ALOX15: variants seen among roughly 807,000 people sequenced by gnomAD.
ALOX15 encodes arachidonate 15-lipoxygenase.
In ALOX15, 68 loss-of-function variants were observed where a neutral mutation model predicts 71.7. The observed-to-expected ratio is 0.95, with a 90% CI of 0.78 to 1.16. The LOEUF (loss-of-function observed/expected upper bound fraction) is 1.16, where lower values mean the gene tolerates loss of function less well. Among genes scored for constraint, ALOX15 ranks in the 50% most tolerant of loss-of-function variants. The probability of loss-of-function intolerance (pLI) is 0.00; values close to 1 mark genes in which losing one functional copy is unlikely to be tolerated. For missense variants in ALOX15, 798 were observed against 818.8 expected (o/e 0.97, Z 0.31); for synonymous variants, 346 against 333.3 (o/e 1.04, Z -0.42).
In ALOX15 at chr17:4,635,877, C is replaced by T. The variant is rs756674821; in HGVS notation, c.1043G>A (p.Arg348His). 1.3e-5 allele frequency: 21 copies of T among 1,614,244 alleles called. No homozygotes were observed. Among genetic ancestry groups the T allele is most frequent in the Middle Eastern group, 1.7e-4 (1 of 6,058 alleles). ...CTCATGGAGCTGGAAGTCAGAGCTGCGCACCCAGCATTTGGCCAGAAGCCA... is the reference window on the plus strand; with the variant it reads ...CTCATGGAGCTGGAAGTCAGAGCTGTGCACCCAGCATTTGGCCAGAAGCCA... The part of the protein sequence containing the change: ...MAWLLAKCWV[R>H]SSDFQLHELQ... The change falls in exon 8 of 14, where the codon CGC (arginine) becomes CAC (histidine). Residue 348 changes from arginine (R) to histidine (H), a missense_variant. By Grantham distance (29) the Arg-to-His change is conservative. Around this residue, in one of 3 missense-constraint regions of ALOX15, gnomAD observed 490 missense variants for 509.4 expected, o/e 0.96. Coordinates refer to ENST00000293761, the MANE Select transcript of ALOX15 (RefSeq NM_001140.5).
At chr17:4,632,711 T>C in intron 11 of ALOX15, 150 bp downstream of exon 11, 4 of 1,284,052 alleles carry the variant, frequency 3.1e-6, no homozygotes, top group Non-Finnish European at 4.3e-6. Context: ...GGGACCTGTC[T>C]CTAGGTGACA....
intron 7 of ALOX15, 72 bp downstream of exon 7, chr17:4,637,043 A>C (rs112886313): frequency 6.5e-6 from 10 of 1,535,010 alleles, no homozygotes; most frequent in African/African-American, 4.1e-5. Flanking sequence ...GATGGTGCTC[A>C]GTAAATTTTG....
chr17:4,631,902 C>T lies in ALOX15; in HGVS notation c.1796G>A (p.Arg599His), dbSNP rs868318076. The change falls in exon 13 of 14, where the codon CGC becomes CAC. Residue 599 changes from arginine (R) to histidine (H), a missense_variant. Coordinates refer to ENST00000293761, the MANE Select transcript of ALOX15 (RefSeq NM_001140.5). The part of the protein sequence containing the change: ...QMSITWQLGR[R>H]QPVMVAVGQH... ...CTCAGCTCTCACCATAACGGGCTGG[C>T]GTCTGCCCAGCTGCCAAGTGATGGA... 7.4e-6 allele frequency: 12 copies of T among 1,611,642 alleles called. No homozygotes were observed. In the Middle Eastern group the frequency reaches 6.6e-4, roughly 89 times the overall value.
rs1418700683 is a variant in ALOX15, at chr17:4,637,059, G to A, written c.951+56C>T. ...ATGGTGCTCAGTAAATTTTGATAAG[G>A]GGCTGAGCTTTCTCAAAAGCCAGAG... On this transcript the variant is annotated intron_variant, in intron 7 of 13. Transcript: ENST00000293761. 1.9e-6 allele frequency: 3 copies of A among 1,567,498 alleles called. No individual in the cohort carries two copies. The East Asian group carries it at 6.8e-5, about 35-fold the overall frequency.
At chr17:4,640,973 G>C (rs1233572434) in intron 1 of ALOX15, among the ~76,000 whole-genome samples, 1 of 151,526 alleles carries the variant, frequency 6.6e-6, no homozygotes, top group Non-Finnish European at 1.5e-5. Flanking sequence ...CTAGAGCAGT[G>C]ATGGGAATTT....
At chr17:4,638,452 T>C in intron 5 of ALOX15, 75 bp from the exon 6 acceptor site, 2 of 834,118 alleles carry the variant, frequency 2.4e-6, no homozygotes, top group Non-Finnish European at 3.9e-6. Context: ...CCATGCCTCC[T>C]TGACTCCAGC....
rs765155392 is a variant in ALOX15, at chr17:4,632,903, G to C, written c.1498C>G (p.Arg500Gly). ...TGCAGCCCGATTTCAGTGATCTCTC[G>C]ACACCAGGTCTGCAGCTCTGGGTCG... is the stretch of plus-strand genomic sequence containing the variant. ...KDDPELQTWC[R>G]EITEIGLQGA... Residue 500 changes from arginine (R) to glycine (G), a missense_variant, in exon 11 of 14, where the codon CGA becomes GGA. By Grantham distance (125) the Arg-to-Gly change is moderately radical. Transcript: ENST00000293761. The C allele has an allele frequency of 6.2e-7, 1 of 1,614,064 alleles. No individual in the cohort carries two copies. Among genetic ancestry groups the C allele is most frequent in the Non-Finnish European group, 8.5e-7 (1 of 1,180,002 alleles).
At position 4,632,267 on chromosome 17, in the gene ALOX15, AAGAGAC is replaced by A. The variant is rs1371124002; in HGVS notation, c.1549_1554del (p.Val517_Ser518del). On this transcript the variant is annotated inframe_deletion, in exon 12 of 14. Transcript: ENST00000293761. ...TGGCAAACCTGGTCCCGAGCCTGTA[AAGAGAC>A]AGGAAACCCTGCAAGGGGTGAAGAG... The A allele has an allele frequency of 1.2e-6, 2 of 1,614,064 alleles. No individual in the cohort carries two copies. The highest frequency in any genetic ancestry group is 2.7e-5 in the African/African-American group (2 of 74,940).
chr17:4,636,858 C>A (rs1268690518), intron 7 of ALOX15, among the ~76,000 whole-genome samples: 1 of 152,086 alleles, frequency 6.6e-6, no homozygotes, highest in African/African-American at 2.4e-5. Flanking sequence ...CTCGTGACAC[C>A]CCACCTCCCC....
chr17:4,641,327 G>C (rs1418170586), intron 1 of ALOX15, among the ~76,000 whole-genome samples, 190 bp downstream of exon 1: 1 of 152,224 alleles, frequency 6.6e-6, no homozygotes, highest in Non-Finnish European at 1.5e-5. Context: ...CATTTATTGA[G>C]CGCTTACTGT....
In ALOX15 at chr17:4,632,164, C is replaced by T. The variant is rs41414251; in HGVS notation, c.1641+17G>A. The stretch of plus-strand genomic sequence containing the variant: ...CTCCAGGCCCCAAATTCCCAGCTGC[C>T]CATCTCTGGTAAGTACCTGGCCCAG... On this transcript the variant is annotated intron_variant, in intron 12 of 13. Transcript: ENST00000293761. 3.4e-4 allele frequency: 546 copies of T among 1,614,066 alleles called. 3 individuals carry two copies. In the African/African-American group the frequency reaches 6.4e-3, roughly 19 times the overall value.
At position 4,633,191 on chromosome 17, in the gene ALOX15, G is replaced by A. The variant is rs1327529116; in HGVS notation, c.1373C>T (p.Ser458Phe). ...CCGCAGCGCATCTTGGGCATAGAAG[G>A]AAGACTTCACTCCCAGGAGCCCCCG... ...ADRGLLGVKS[S>F]FYAQDALRLW... Residue 458 changes from serine to phenylalanine, a missense_variant, in exon 10 of 14, where the codon TCC becomes TTC. Coordinates refer to ENST00000293761, the MANE Select transcript of ALOX15 (RefSeq NM_001140.5). 3.1e-6 allele frequency: 5 copies of A among 1,614,038 alleles called. No individual in the cohort carries two copies. Among genetic ancestry groups the A allele is most frequent in the Non-Finnish European group, 4.2e-6 (5 of 1,180,032 alleles).
rs868275978 is a variant in ALOX15, at chr17:4,638,906, C to T, written c.486G>A (p.Val162=). The T allele has an allele frequency of 6.2e-7, 1 of 1,614,234 alleles. No homozygotes were observed. The highest frequency in any genetic ancestry group is 1.7e-5 in the Admixed American group (1 of 60,032). Residue 162 remains valine (V), a synonymous_variant, in exon 4 of 14, where the codon GTG becomes GTA. Coordinates refer to ENST00000293761, the MANE Select transcript of ALOX15 (RefSeq NM_001140.5). The stretch of plus-strand genomic sequence containing the variant: ...TCTTGTCTTCCAGAAATCGCTCATC[C>T]ACAGGGAGGTCATATAGTTTGGCCC... The part of the protein sequence containing the change: ...MAGAKLYDLP[V]DERFLEDKRV...
chr17:4,640,763 C>T (rs1911294130), intron 1 of ALOX15, among the ~76,000 whole-genome samples: 1 of 151,318 alleles, frequency 6.6e-6, no homozygotes, highest in South Asian at 2.1e-4. Context: ...TGGGCAGGGA[C>T]GCGGGAGATG....
At position 4,637,213 on chromosome 17, in the gene ALOX15, T is replaced by G; in HGVS notation, c.853A>C (p.Lys285Gln). ...EADFSLLDGIKANVILCSQQH... is the reference protein window; with the variant it reads ...EADFSLLDGIQANVILCSQQH... ...TGGCTACAGAGAATGACGTTGGCCT[T>G]GATCCCATCCAGCAGGGAGAAGTCA... Residue 285 changes from lysine (K) to glutamine (Q), a missense_variant, in exon 7 of 14, where the codon AAG becomes CAG. Around this residue, in one of 3 missense-constraint regions of ALOX15, gnomAD observed 490 missense variants for 509.4 expected, o/e 0.96. Transcript: ENST00000293761. The G allele has an allele frequency of 6.2e-7, 1 of 1,613,898 alleles. No individual in the cohort carries two copies. Among genetic ancestry groups the G allele is most frequent in the African/African-American group, 1.3e-5 (1 of 75,044 alleles).
chr17:4,637,835 C>T (rs1911151173), intron 6 of ALOX15, among the ~76,000 whole-genome samples: 1 of 152,030 alleles, frequency 6.6e-6, no homozygotes, highest in Non-Finnish European at 1.5e-5. Flanking sequence ...GATTCACATC[C>T]AAGCCTATCT....
chr17:4,641,561 C>T lies in ALOX15; in HGVS notation c.91G>A (p.Gly31Arg). Residue 31 changes from glycine (G) to arginine (R), a missense_variant, in exon 1 of 14, where the codon GGG becomes AGG. Physicochemically the swap from Gly to Arg is moderately radical, Grantham distance 125. This residue lies in a region of ALOX15 where 300 missense variants were observed against 283.1 expected (regional missense o/e 1.06). Coordinates refer to ENST00000293761, the MANE Select transcript of ALOX15 (RefSeq NM_001140.5). The part of the protein sequence containing the change: ...QVQLWLVGQH[G>R]EAALGKRLWP... ...AGTCGCTTCCCGAGCGCCGCCTCCC[C>T]GTGCTGGCCGACCAGCCACAGCTGC... The T allele has an allele frequency of 6.2e-7, 1 of 1,613,478 alleles. No homozygotes were observed. The highest frequency in any genetic ancestry group is 1.1e-5 in the South Asian group (1 of 91,082).
intron 8 of ALOX15, 39 bp from the exon 9 acceptor site, chr17:4,633,539 G>T (rs773219247): frequency 1.9e-6 from 3 of 1,549,094 alleles, no homozygotes; most frequent in South Asian, 1.1e-5. Flanking sequence ...AGTCAGAGGA[G>T]AGCTGCAAGA....
chr17:4,633,039 T>A (rs893845987), intron 10 of ALOX15, 57 bp from the exon 11 acceptor site: 6 of 1,613,162 alleles, frequency 3.7e-6, no homozygotes, highest in Non-Finnish European at 5.1e-6. Context: ...CCTGCTCACA[T>A]GGCCAGGTCA....
Sources: gnomAD v4.1 joint callset for allele counts (sites outside exome capture counted in the v4.1 genomes callset) on GRCh38, gnomAD v4.1.1 for gene constraint, gnomAD v4.1.1 regional missense constraint, MANE v1.5 for transcripts, NCBI Gene and HGNC (gene_info 2026-07-23, HGNC 2026-07-21) for gene names.